Variants in ACSM1 observed in about 807,000 individuals in gnomAD.
ACSM1 encodes the protein acyl-CoA synthetase medium chain family member 1, also known as acyl-coenzyme A synthetase ACSM1, mitochondrial.
ACSM1 carries 79 observed loss-of-function variants against 75.8 expected under a neutral mutation model. The ratio of observed to expected loss-of-function variants is 1.04; its 90% CI spans 0.87 to 1.26. ACSM1 has a LOEUF of 1.26. Among genes scored for constraint, ACSM1 ranks in the 50% most tolerant of loss-of-function variants. The pLI is 0.00. For missense variants in ACSM1, 676 were observed against 720.1 expected (o/e 0.94, Z 0.70); for synonymous variants, 279 against 265.8 (o/e 1.05, Z -0.48).
chr16:20,681,306 G>A lies in ACSM1; in HGVS notation c.611+950C>T, dbSNP rs1316675137. 2.6e-5 allele frequency: 4 copies of A among 152,194 alleles called. No homozygotes were observed. In the East Asian group the frequency reaches 7.7e-4, roughly 29 times the overall value. The allele number at this position is 152,194 out of a possible 1,614,324, so 9.4% of individuals were successfully genotyped here. On this transcript the variant is annotated intron_variant, in intron 4 of 13. Coordinates refer to ENST00000520010, the MANE Select transcript of ACSM1 (RefSeq NM_001318890.3). ...TTAGCCTCTGAAGGAAGAGTATGTG[G>A]AAAATTTAATTTAACCAACTGTTGC...
At chr16:20,669,717 A>G (rs542263909) in intron 6 of ACSM1, 110 bp downstream of exon 6, 10 of 1,118,766 alleles carry the variant, frequency 8.9e-6, no homozygotes, top group African/African-American at 4.7e-5. Context: ...GCTCAGGATC[A>G]TCTTAGGCTC....
At position 20,685,268 on chromosome 16, in the gene ACSM1, G is replaced by C. The variant is rs1567310128; in HGVS notation, c.328C>G (p.Gln110Glu). 1 of 1,614,212 alleles carries C rather than the reference G, an allele frequency of 6.2e-7. No homozygotes were observed. The change falls in exon 3 of 14, where the codon CAG becomes GAG. Residue 110 changes from glutamine (Q) to glutamate (E), a missense_variant. Physicochemically the swap from Gln to Glu is conservative, Grantham distance 29. Transcript: ENST00000520010. Reference protein sequence around the residue: ...NVFTQTCGLQQGDHLALMLPR... With the variant: ...NVFTQTCGLQEGDHLALMLPR... The stretch of plus-strand genomic sequence containing the variant: ...AGCATCAAGGCCAGATGGTCTCCCT[G>C]TTGTAGGCCACAGGTCTGTGTGAAG...
In ACSM1 at chr16:20,661,818, A is replaced by G. The variant is rs2019314990; in HGVS notation, c.968T>C (p.Met323Thr). Reference protein sequence around the residue: ...HFWGVSSIYRMILQQDFTSIR... With the variant: ...HFWGVSSIYRTILQQDFTSIR... ...CCTGGTGAAATCCTGCTGCAGAATC[A>G]TTCGATATATAGATGATACCCCCCA... Residue 323 changes from methionine (M) to threonine (T), a missense_variant, in exon 7 of 14, where the codon ATG becomes ACG. Physicochemically the swap from Met to Thr is moderately conservative, Grantham distance 81 (BLOSUM62 -1). Transcript: ENST00000520010. 8.7e-6 allele frequency: 14 copies of G among 1,610,806 alleles called. No individual in the cohort carries two copies. Among genetic ancestry groups the G allele is most frequent in the Non-Finnish European group, 1.2e-5 (14 of 1,177,664 alleles).
At chr16:20,635,312 T>C (rs552323747) in intron 10 of ACSM1, among the ~76,000 whole-genome samples, 1 of 152,314 alleles carries the variant, frequency 6.6e-6, no homozygotes, top group East Asian at 1.9e-4. Flanking sequence ...GGAATATCAC[T>C]TGAGCTCAGG....
At chr16:20,677,226 T>TAAAAA (rs34392148) in intron 4 of ACSM1, among the ~76,000 whole-genome samples, 1 of 130,056 alleles carries the variant, frequency 7.7e-6, no homozygotes, top group Non-Finnish European at 1.7e-5. Flanking sequence ...TTAAAGAAAT[T>TAAAAA]AAAAAAAAAA....
rs976613735 is a variant in ACSM1 at position 20,671,625 on chromosome 16, G to T, written c.658C>A (p.Pro220Thr). 6.2e-7 allele frequency: 1 copy of T among 1,612,936 alleles called. No homozygotes were observed. The highest frequency in any genetic ancestry group is 2.2e-5 in the East Asian group (1 of 44,832). The part of the protein sequence containing the change: ...HTCVKSKTLD[P>T]MVIFFTSGTT... ...CCACTGGTGAAGAAGATGACCATTG[G>T]GTCCAAGGTCTTTGACTTAACACAG... Residue 220 changes from proline to threonine, a missense_variant, in exon 5 of 14, where the codon CCA (proline) becomes ACA (threonine). Physicochemically the swap from Pro to Thr is conservative, Grantham distance 38 (BLOSUM62 -1). Coordinates refer to ENST00000520010, the MANE Select transcript of ACSM1 (RefSeq NM_001318890.3).
At chr16:20,665,471 C>A (rs1487885693) in intron 6 of ACSM1, among the ~76,000 whole-genome samples, 2 of 152,092 alleles carry the variant, frequency 1.3e-5, no homozygotes, top group Non-Finnish European at 2.9e-5. Flanking sequence ...CCTGAACAGA[C>A]AAATTACAAG....
In ACSM1 at chr16:20,625,435, C is replaced by G; in HGVS notation, c.1515G>C (p.Pro505=). The change falls in exon 12 of 14, where the codon CCG becomes CCC. Residue 505 remains proline, a synonymous_variant. Coordinates refer to ENST00000520010, the MANE Select transcript of ACSM1 (RefSeq NM_001318890.3). Reference sequence around the variant, plus strand: ...GTGTTCTCCTCACCTCCCCTCGAATCGGGTCTGGGCTGCCCACCACGGCTG... The same window carrying G: ...GTGTTCTCCTCACCTCCCCTCGAATGGGGTCTGGGCTGCCCACCACGGCTG... ...AESAVVGSPD[P]IRGEVVKAFI... 6.2e-7 allele frequency: 1 copy of G among 1,614,042 alleles called. No homozygotes were observed. Among genetic ancestry groups the G allele is most frequent in the Non-Finnish European group, 8.5e-7 (1 of 1,180,012 alleles).
chr16:20,625,849 T>C (rs2016891913), intron 11 of ACSM1, among the ~76,000 whole-genome samples: 1 of 152,218 alleles, frequency 6.6e-6, no homozygotes, highest in Non-Finnish European at 1.5e-5. Flanking sequence ...TCTTAAACAT[T>C]CATGCAAATT....
intron 3 of ACSM1, among the ~76,000 whole-genome samples, chr16:20,684,360 A>ATTGTGCCT (rs2079508758): frequency 6.6e-6 from 1 of 152,200 alleles, no homozygotes; most frequent in Admixed American, 6.5e-5. Flanking sequence ...ACAAGGAAAA[A>ATTGTGCCT]TTGTGCCTTT....
intron 7 of ACSM1, among the ~76,000 whole-genome samples, chr16:20,650,882 C>T (rs2018609849): frequency 6.6e-6 from 1 of 152,236 alleles, no homozygotes; most frequent in Non-Finnish European, 1.5e-5. Flanking sequence ...CTTCTATTTT[C>T]TTGTCTGCCT....
intron 10 of ACSM1, among the ~76,000 whole-genome samples, chr16:20,635,816 T>C (rs184825401): frequency 8.5e-5 from 13 of 152,204 alleles, no homozygotes; most frequent in Non-Finnish European, 1.8e-4. Context: ...ATCTTTTGTA[T>C]TTTTAGTGGA....
At chr16:20,659,198 A>G (rs1596870103) in intron 7 of ACSM1, among the ~76,000 whole-genome samples, 1 of 152,040 alleles carries the variant, frequency 6.6e-6, no homozygotes, top group East Asian at 1.9e-4. Flanking sequence ...TCTTCCCCCC[A>G]TTATCCAAAA....
chr16:20,631,394 G>A (rs1247242066), intron 10 of ACSM1, among the ~76,000 whole-genome samples: 2 of 152,216 alleles, frequency 1.3e-5, no homozygotes, highest in Non-Finnish European at 2.9e-5. Flanking sequence ...TGGCATGGTT[G>A]TGGGAACACT....
intron 7 of ACSM1, among the ~76,000 whole-genome samples, chr16:20,657,176 G>C (rs1198379712): frequency 6.6e-6 from 1 of 152,114 alleles, no homozygotes; most frequent in South Asian, 2.1e-4. Context: ...GCTAATTGCT[G>C]TAAGTATGTA....
intron 4 of ACSM1, among the ~76,000 whole-genome samples, chr16:20,672,368 G>A (rs2019962604): frequency 7.1e-6 from 1 of 140,756 alleles, no homozygotes; most frequent in Non-Finnish European, 1.5e-5. Flanking sequence ...GATTAGTTGT[G>A]AACCTGGGAG....
chr16:20,661,736 G>A, intron 7 of ACSM1, 58 bp downstream of exon 7: 1 of 1,247,512 alleles, frequency 8.0e-7, no homozygotes, highest in Non-Finnish European at 1.2e-6. Flanking sequence ...AGACCATGAT[G>A]TATCAGATTC....
intron 7 of ACSM1, among the ~76,000 whole-genome samples, chr16:20,646,565 AACAG>A (rs921334455): frequency 2.0e-5 from 3 of 152,170 alleles, no homozygotes. Flanking sequence ...GGGGTCCAAG[AACAG>A]ACAGTCACTA....
chr16:20,694,434 T>C (rs4459531), intron 1 of ACSM1, among the ~76,000 whole-genome samples: 93,300 of 151,638 alleles, frequency 0.62, 29,813 homozygotes, highest in Non-Finnish European at 0.72. Flanking sequence ...TCAAACAATA[T>C]TGTAGCCAAG....
Sources: allele counts gnomAD v4.1 joint callset (sites outside exome capture counted in the v4.1 genomes callset), GRCh38; gene constraint gnomAD v4.1.1; transcripts MANE v1.5; gene names NCBI Gene and HGNC (gene_info 2026-07-23, HGNC 2026-07-21).